SLC44A5: variants seen among roughly 807,000 people sequenced by gnomAD.
SLC44A5 encodes the protein solute carrier family 44 member 5, also known as choline transporter-like protein 5.
A neutral mutation model predicts 101.8 loss-of-function variants in SLC44A5; 57 were observed. That is an observed-to-expected ratio of 0.56 (90% CI 0.45 to 0.70). The LOEUF is 0.70. Ranked by LOEUF, SLC44A5 falls within the 30% of genes least tolerant of loss-of-function variation. The pLI, the probability that SLC44A5 is intolerant of heterozygous loss-of-function variation, is 0.00. For synonymous variants in SLC44A5, 281 were observed against 290.9 expected, an observed-to-expected ratio of 0.97 and a Z score of 0.35; for missense variants, 737 against 853.1, an observed-to-expected ratio of 0.86 and a Z score of 1.70.
chr1:75,682,722 A>G, the SLC44A5 span, among the ~76,000 whole-genome samples: 1 of 150,436 alleles, frequency 6.6e-6, no homozygotes, highest in Non-Finnish European at 1.5e-5. Context: ...AAAACACCAA[A>G]AGCAATGGCA....
chr1:75,512,775 G>A (rs926879421), intron 2 of SLC44A5, among the ~76,000 whole-genome samples: 2 of 152,140 alleles, frequency 1.3e-5, no homozygotes, highest in African/African-American at 4.8e-5. Flanking sequence ...GAAGGCTGAT[G>A]CAGAGCTAAC....
chr1:75,307,369 C>G (rs901754343), intron 4 of SLC44A5, among the ~76,000 whole-genome samples: 3 of 152,138 alleles, frequency 2.0e-5, no homozygotes, highest in Non-Finnish European at 4.4e-5. Flanking sequence ...TGCTCTGATT[C>G]TTACCACAAA....
intron 4 of SLC44A5, among the ~76,000 whole-genome samples, chr1:75,337,778 G>A (rs1394026814): frequency 6.6e-6 from 1 of 152,100 alleles, no homozygotes; most frequent in South Asian, 2.1e-4. Context: ...AATTCAGTTG[G>A]GTGGTGACTA....
In SLC44A5 at chr1:75,242,080, C is replaced by A. The variant is rs755092319; in HGVS notation, c.472-19G>T. The A allele has an allele frequency of 1.2e-6, 2 of 1,604,646 alleles. No homozygotes were observed. Among genetic ancestry groups the A allele is most frequent in the Admixed American group, 3.4e-5 (2 of 59,686 alleles). ...TGAGAGACTAAAATAGAAGGAAGAA[C>A]GTTAACATTTCAAAGGCCATGTGAT... is the stretch of plus-strand genomic sequence containing the variant. On this transcript the variant is annotated intron_variant, in intron 8 of 23. Transcript: ENST00000370859.
intron 2 of SLC44A5, among the ~76,000 whole-genome samples, chr1:75,539,636 CAGTAATGGCTCAAGCCTTG>C (rs562811815): frequency 1.3e-3 from 191 of 152,214 alleles, no homozygotes; most frequent in African/African-American, 2.9e-3. Flanking sequence ...TGTCCTTACG[CAGTAATGGCTCAAGCCTTG>C]AGTAATGGCT....
intron 2 of SLC44A5, among the ~76,000 whole-genome samples, chr1:75,518,180 TC>T (rs1669935713): frequency 6.6e-6 from 1 of 152,222 alleles, no homozygotes; most frequent in Non-Finnish European, 1.5e-5. Context: ...CAGTTTAAAT[TC>T]GAGGAAATAT....
intron 2 of SLC44A5, among the ~76,000 whole-genome samples, chr1:75,473,493 T>C (rs1433580770): frequency 1.3e-5 from 2 of 152,166 alleles, no homozygotes; most frequent in Non-Finnish European, 2.9e-5. Context: ...AGGTAGGCGA[T>C]GGGGTTTTGT....
At chr1:75,309,473 A>G (rs757193301) in intron 4 of SLC44A5, among the ~76,000 whole-genome samples, 3 of 152,194 alleles carry the variant, frequency 2.0e-5, no homozygotes, top group Non-Finnish European at 4.4e-5. Context: ...AAAAAGGAAA[A>G]CAAGATTTCT....
upstream of SLC44A5, among the ~76,000 whole-genome samples, chr1:75,614,685 TTCCTG>T (rs1177096156): frequency 1.3e-5 from 2 of 152,174 alleles, no homozygotes; most frequent in Non-Finnish European, 2.9e-5. Context: ...CTCATCTGAG[TTCCTG>T]TCCTTTTTTA....
rs1031472294 is a variant in SLC44A5 at position 75,235,874 on chromosome 1, G to A, written c.740+1113C>T. 2.0e-5 allele frequency among the ~76,000 whole-genome samples: 3 copies of A among 151,972 alleles called. No homozygotes were observed. In the South Asian group the frequency reaches 6.2e-4, roughly 31 times the overall value. On this transcript the variant is annotated intron_variant, in intron 11 of 23. Coordinates refer to ENST00000370859, the MANE Select transcript of SLC44A5 (RefSeq NM_001130058.2). ...GTAAAAAGTTCATACTTTATCAGAG[G>A]GAAAGGGCCAGGTAAATAAAACACA... is the stretch of plus-strand genomic sequence containing the variant.
intron 2 of SLC44A5, among the ~76,000 whole-genome samples, chr1:75,512,302 G>T (rs1173562011): frequency 6.6e-6 from 1 of 152,098 alleles, no homozygotes; most frequent in Non-Finnish European, 1.5e-5. Context: ...AATATTAAAA[G>T]AATCAAGTTT....
rs1345999679 is a variant in SLC44A5 at position 75,396,581 on chromosome 1, A to T, written c.52+2T>A. ...GCACTTAATACTCAGACTATGACTT[A>T]CCAAAGTCCTCTTCCTCAGAGGGAG... On this transcript the variant is annotated splice_donor_variant, in intron 3 of 23. Coordinates refer to ENST00000370859, the MANE Select transcript of SLC44A5 (RefSeq NM_001130058.2). LOFTEE classifies it high-confidence loss of function. The T allele has an allele frequency of 6.2e-7, 1 of 1,611,264 alleles. No individual in the cohort carries two copies. The highest frequency in any genetic ancestry group is 1.3e-5 in the African/African-American group (1 of 74,848).
chr1:75,444,473 G>GAA (rs375395730), intron 2 of SLC44A5, among the ~76,000 whole-genome samples: 5,856 of 95,122 alleles, frequency 0.062, 231 homozygotes, highest in Admixed American at 0.16. Flanking sequence ...AAAAAAGAAA[G>GAA]AGAAAGAAAG....
chr1:75,579,789 AAGAG>A (rs916653568), intron 1 of SLC44A5, among the ~76,000 whole-genome samples: 15 of 151,282 alleles, frequency 9.9e-5, no homozygotes, highest in Admixed American at 2.6e-4. Context: ...TCCTTTAACA[AAGAG>A]AGAGGATTTG....
intron 2 of SLC44A5, among the ~76,000 whole-genome samples, chr1:75,411,642 C>A (rs561787264): frequency 1.3e-5 from 2 of 152,036 alleles, no homozygotes; most frequent in Non-Finnish European, 2.9e-5. Context: ...ACAGAGAGAA[C>A]AAAACCATGA....
the SLC44A5 span, among the ~76,000 whole-genome samples, chr1:75,648,141 T>G: frequency 6.6e-6 from 1 of 152,306 alleles, no homozygotes; most frequent in African/African-American, 2.4e-5. Context: ...AATTCCATTC[T>G]GTTCTTTAAA....
the SLC44A5 span, chr1:75,641,615 G>A: frequency 6.7e-7 from 1 of 1,496,756 alleles, no homozygotes; most frequent in Non-Finnish European, 9.3e-7. Context: ...GGGATTATTT[G>A]GGTCACGGTT....
Position 75,368,431 on chromosome 1 carries a change from A to G in SLC44A5, c.52+28152T>C, listed in dbSNP as rs544842660. Among the ~76,000 whole-genome samples the G allele has an allele frequency of 1.7e-3, 263 of 152,334 alleles. 1 individual carries two copies. The highest frequency in any genetic ancestry group is 5.8e-3 in the African/African-American group (243 of 41,576). ...CACAAATACTGTATTTTTGATCCACAGTTGGCTAAATCTGCAGGTGCAGAA... is the reference window on the plus strand; with the variant it reads ...CACAAATACTGTATTTTTGATCCACGGTTGGCTAAATCTGCAGGTGCAGAA... On this transcript the variant is annotated intron_variant, in intron 3 of 23. Coordinates refer to ENST00000370859, the MANE Select transcript of SLC44A5 (RefSeq NM_001130058.2).
intron 2 of SLC44A5, among the ~76,000 whole-genome samples, chr1:75,516,797 A>G (rs1669865261): frequency 6.6e-6 from 1 of 152,152 alleles, no homozygotes; most frequent in South Asian, 2.1e-4. Flanking sequence ...TGGGGTAAGA[A>G]CTTTTAAATA....
Sources: gnomAD v4.1 joint callset for allele counts (sites outside exome capture counted in the v4.1 genomes callset) on GRCh38, gnomAD v4.1.1 for gene constraint, MANE v1.5 for transcripts, NCBI Gene and HGNC (gene_info 2026-07-23, HGNC 2026-07-21) for gene names.